CPSF6: variants seen among roughly 807,000 people sequenced by gnomAD.
CPSF6 encodes cleavage and polyadenylation specific factor 6, also known as cleavage and polyadenylation specificity factor subunit 6.
A neutral mutation model predicts 56.7 loss-of-function variants in CPSF6; 10 were observed. That is an observed-to-expected ratio of 0.18 (90% CI 0.11 to 0.30). The LOEUF (loss-of-function observed/expected upper bound fraction) is 0.30. CPSF6 is among the 10% of genes least tolerant of loss of function. The probability of loss-of-function intolerance (pLI) is 1.00; values close to 1 mark genes in which losing one functional copy is unlikely to be tolerated. For synonymous variants in CPSF6, 248 were observed against 244.8 expected, an observed-to-expected ratio of 1.01 and a Z score of -0.12; for missense variants, 419 against 722.9, an observed-to-expected ratio of 0.58 and a Z score of 4.82.
intron 1 of CPSF6, among the ~76,000 whole-genome samples, chr12:69,245,953 A>G (rs567593192): frequency 3.9e-5 from 6 of 152,262 alleles, no homozygotes; most frequent in African/African-American, 1.4e-4. Context: ...CAGGTATGAT[A>G]GTGCACACCT....
chr12:69,259,263 A>C lies in CPSF6; in HGVS notation c.1200-165A>C, dbSNP rs1872643597. Reference sequence around the variant, plus strand: ...AAGATACTGGTATAGGAGAATTTTTAGATTTGTTCTCTTTGTTGGAAAAGT... The same window carrying C: ...AAGATACTGGTATAGGAGAATTTTTCGATTTGTTCTCTTTGTTGGAAAAGT... On this transcript the variant is annotated intron_variant, in intron 6 of 9. Coordinates refer to ENST00000435070, the MANE Select transcript of CPSF6 (RefSeq NM_007007.3). The C allele has an allele frequency of 6.4e-6, 5 of 783,770 alleles. No individual in the cohort carries two copies. In the South Asian group the frequency reaches 2.9e-4, roughly 46 times the overall value. The allele number at this position is 783,770 out of a possible 1,614,324, so 48.6% of individuals were successfully genotyped here.
chr12:69,239,900 C>G (rs1419047745), intron 1 of CPSF6, among the ~76,000 whole-genome samples, 194 bp downstream of exon 1: 1 of 149,070 alleles, frequency 6.7e-6, no homozygotes, highest in Non-Finnish European at 1.5e-5. Context: ...GGGCCGCGGG[C>G]GCGGCGAGTC....
At chr12:69,256,012 A>C (rs1417422503) in intron 3 of CPSF6, among the ~76,000 whole-genome samples, 1 of 152,184 alleles carries the variant, frequency 6.6e-6, no homozygotes, top group Non-Finnish European at 1.5e-5. Context: ...CATTTCTTTT[A>C]ATGTTGTATA....
chr12:69,251,096 TG>T, intron 1 of CPSF6, 32 bp from the exon 2 acceptor site: 1 of 1,571,296 alleles, frequency 6.4e-7, no homozygotes, highest in South Asian at 1.2e-5. Flanking sequence ...TTTTGACTTT[TG>T]TATAATCTAG....
intron 1 of CPSF6, among the ~76,000 whole-genome samples, chr12:69,244,651 C>T (rs936383645): frequency 6.6e-6 from 1 of 151,960 alleles, no homozygotes; most frequent in African/African-American, 2.4e-5. Flanking sequence ...GCCTCAGCCT[C>T]CCAAAGGAGG....
chr12:69,245,563 C>T (rs1871857421), intron 1 of CPSF6, among the ~76,000 whole-genome samples: 1 of 152,096 alleles, frequency 6.6e-6, no homozygotes, highest in South Asian at 2.1e-4. Context: ...CTGACAGGTC[C>T]TATATTGTAG....
chr12:69,247,393 C>T (rs964617967), intron 1 of CPSF6, among the ~76,000 whole-genome samples: 5 of 150,924 alleles, frequency 3.3e-5, no homozygotes, highest in Admixed American at 6.6e-5. Flanking sequence ...TAAACAAACC[C>T]TAAGAGCTGT....
At chr12:69,248,415 C>T (rs1350950343) in intron 1 of CPSF6, among the ~76,000 whole-genome samples, 1 of 152,134 alleles carries the variant, frequency 6.6e-6, no homozygotes, top group African/African-American at 2.4e-5. Context: ...AGTAATTCTA[C>T]TTGATGTTCA....
intron 1 of CPSF6, among the ~76,000 whole-genome samples, chr12:69,244,625 C>T (rs1191870010): frequency 6.6e-6 from 1 of 151,994 alleles, no homozygotes; most frequent in Non-Finnish European, 1.5e-5. Flanking sequence ...AACTCCTGGC[C>T]TCATGTGATC....
At chr12:69,262,690 G>A in intron 9 of CPSF6, 128 bp downstream of exon 9, 1 of 1,144,306 alleles carries the variant, frequency 8.7e-7, no homozygotes, top group South Asian at 3.4e-5. Flanking sequence ...TTAATCTTCT[G>A]GAAACATCTG....
chr12:69,249,749 G>A (rs1349996362), intron 1 of CPSF6, among the ~76,000 whole-genome samples: 1 of 152,146 alleles, frequency 6.6e-6, no homozygotes, highest in Non-Finnish European at 1.5e-5. Flanking sequence ...AGTGTTGAGT[G>A]TTCTGCTTTT....
chr12:69,272,964 C>T lies in CPSF6; in HGVS notation c.*3456C>T, dbSNP rs1565654203. 5 of 220,952 alleles carry T rather than the reference C, an allele frequency of 2.3e-5. No individual in the cohort carries two copies. The highest frequency in any genetic ancestry group is 4.7e-5 in the Non-Finnish European group (5 of 106,416). 13.7% of individuals were successfully genotyped at this position (220,952 alleles called of 1,614,324 possible). On this transcript the variant is annotated 3_prime_UTR_variant, in exon 10 of 10. Coordinates refer to ENST00000435070, the MANE Select transcript of CPSF6 (RefSeq NM_007007.3). Reference sequence around the variant, plus strand: ...ATTTATTTTTTTAAGCAACTTGACTCTTAGAAGCCTTAGACTGATTTTTTC... The same window carrying T: ...ATTTATTTTTTTAAGCAACTTGACTTTTAGAAGCCTTAGACTGATTTTTTC...
intron 1 of CPSF6, among the ~76,000 whole-genome samples, chr12:69,246,662 C>G (rs1871925464): frequency 6.6e-6 from 1 of 152,072 alleles, no homozygotes; most frequent in Non-Finnish European, 1.5e-5. Flanking sequence ...ATTTTGCATA[C>G]TAGTATTTCT....
At chr12:69,265,581 C>G (rs1417489486) in intron 9 of CPSF6, among the ~76,000 whole-genome samples, 1 of 148,774 alleles carries the variant, frequency 6.7e-6, no homozygotes, top group Non-Finnish European at 1.5e-5. Context: ...AAATAACTTG[C>G]CTTTGCTATC....
At chr12:69,247,772 G>T (rs910506678) in intron 1 of CPSF6, among the ~76,000 whole-genome samples, 2 of 152,056 alleles carry the variant, frequency 1.3e-5, no homozygotes, top group Non-Finnish European at 1.5e-5. Flanking sequence ...TTACGCTGGA[G>T]GATTGATGTG....
intron 5 of CPSF6, 87 bp downstream of exon 5, chr12:69,257,992 T>C (rs766763834): frequency 1.4e-5 from 21 of 1,525,646 alleles, no homozygotes; most frequent in Middle Eastern, 1.7e-4. Flanking sequence ...AATGCATTAT[T>C]AATGTGACTT....
At chr12:69,245,783 C>T (rs910774881) in intron 1 of CPSF6, among the ~76,000 whole-genome samples, 4 of 152,154 alleles carry the variant, frequency 2.6e-5, no homozygotes, top group Non-Finnish European at 5.9e-5. Flanking sequence ...TCTGACCACC[C>T]AGCTTTAAAA....
In CPSF6 at chr12:69,269,710, G is replaced by C; in HGVS notation, c.*202G>C. On this transcript the variant is annotated 3_prime_UTR_variant, in exon 10 of 10. Transcript: ENST00000435070. ...CTTTTATTTTTTATGTTGCTTAACT[G>C]TTTTATTTGAAGGAAACCTGTGTGA... The C allele has an allele frequency of 4.8e-6, 1 of 210,394 alleles. No individual in the cohort carries two copies. The highest frequency in any genetic ancestry group is 9.9e-6 in the Non-Finnish European group (1 of 100,560). 13.0% of individuals were successfully genotyped at this position (210,394 alleles called of 1,614,324 possible).
At chr12:69,262,157 G>T (rs1191196118) in intron 8 of CPSF6, among the ~76,000 whole-genome samples, 1 of 152,112 alleles carries the variant, frequency 6.6e-6, no homozygotes, top group Non-Finnish European at 1.5e-5. Context: ...TGATGTGTCT[G>T]GTTGCTGATT....
Sources: gnomAD v4.1 joint callset for allele counts (sites outside exome capture counted in the v4.1 genomes callset) on GRCh38, gnomAD v4.1.1 for gene constraint, MANE v1.5 for transcripts, NCBI Gene and HGNC (gene_info 2026-07-23, HGNC 2026-07-21) for gene names.